KCNIP1: variants seen among roughly 807,000 people sequenced by gnomAD.
The protein encoded by KCNIP1 is potassium voltage-gated channel interacting protein 1.
A neutral mutation model predicts 33.0 loss-of-function variants in KCNIP1; 18 were observed. The observed-to-expected ratio is 0.55, with a 90% confidence interval of 0.38 to 0.81. The LOEUF (loss-of-function observed/expected upper bound fraction) is 0.81. KCNIP1 is among the 30% of genes least tolerant of loss of function. KCNIP1 has a pLI of 0.00. For synonymous variants in KCNIP1, 93 were observed against 98.3 expected (o/e 0.95, Z 0.32); for missense variants, 238 against 271.6 (o/e 0.88, Z 0.87).
chr5:170,688,061 A>G (rs1322847072), intron 1 of KCNIP1, among the ~76,000 whole-genome samples: 1 of 152,248 alleles, frequency 6.6e-6, no homozygotes, highest in Non-Finnish European at 1.5e-5. Context: ...TGTGCCAAGC[A>G]AAGTTCTTTA....
intron 1 of KCNIP1, among the ~76,000 whole-genome samples, chr5:170,520,092 G>T (rs1755305281): frequency 6.6e-6 from 1 of 152,190 alleles, no homozygotes; most frequent in Non-Finnish European, 1.5e-5. Context: ...CTTAAAGGGT[G>T]TTTGGTGTGT....
At chr5:170,388,905 A>G (rs1482205471) in intron 1 of KCNIP1, among the ~76,000 whole-genome samples, 1 of 152,210 alleles carries the variant, frequency 6.6e-6, no homozygotes, top group African/African-American at 2.4e-5. Flanking sequence ...GGAAACCCTG[A>G]AAGTTTGGAG....
chr5:170,503,237 A>C (rs1372688152), upstream of KCNIP1, among the ~76,000 whole-genome samples: 1 of 151,904 alleles, frequency 6.6e-6, no homozygotes, highest in East Asian at 1.9e-4. Context: ...TAAAAAATAC[A>C]AAAAAATTTA....
At chr5:170,503,859 A>T (rs540422359), upstream of KCNIP1, among the ~76,000 whole-genome samples, 3 of 151,982 alleles carry the variant, frequency 2.0e-5, no homozygotes, top group African/African-American at 4.8e-5. Flanking sequence ...TTAGGGTTAC[A>T]TGCTCCCGGG....
intron 1 of KCNIP1, among the ~76,000 whole-genome samples, chr5:170,402,323 A>G (rs1263058948): frequency 1.3e-5 from 2 of 152,182 alleles, no homozygotes; most frequent in African/African-American, 4.8e-5. Context: ...TATTCAATCT[A>G]TATAACAACT....
intron 1 of KCNIP1, among the ~76,000 whole-genome samples, chr5:170,446,768 C>A (rs560464777): frequency 1.4e-3 from 206 of 152,224 alleles, no homozygotes; most frequent in Non-Finnish European, 2.4e-3. Flanking sequence ...CTATCTTCTC[C>A]CCAGTTCTAG....
intron 1 of KCNIP1, among the ~76,000 whole-genome samples, chr5:170,618,822 G>T (rs1164393823): frequency 6.6e-6 from 1 of 152,158 alleles, no homozygotes; most frequent in African/African-American, 2.4e-5. Context: ...TAAAGACAGG[G>T]TTTCTGTCCT....
At chr5:170,466,703 A>G (rs1561638846) in intron 1 of KCNIP1, among the ~76,000 whole-genome samples, 1 of 152,128 alleles carries the variant, frequency 6.6e-6, no homozygotes, top group Admixed American at 6.5e-5. Flanking sequence ...CCTTCTGGCT[A>G]TGTTCTCACA....
chr5:170,438,508 C>T (rs543305925), intron 1 of KCNIP1, among the ~76,000 whole-genome samples: 125 of 152,288 alleles, frequency 8.2e-4, no homozygotes, highest in African/African-American at 2.7e-3. Context: ...AAATTGCCCA[C>T]GGACCTGCCC....
intron 1 of KCNIP1, among the ~76,000 whole-genome samples, chr5:170,655,665 A>T (rs1421596349): frequency 6.6e-6 from 1 of 152,166 alleles, no homozygotes; most frequent in Non-Finnish European, 1.5e-5. Context: ...GTCAGAGTAG[A>T]GGAGAAATGA....
chr5:170,371,865 T>C (rs911136606), intron 1 of KCNIP1, among the ~76,000 whole-genome samples: 4 of 152,180 alleles, frequency 2.6e-5, no homozygotes, highest in African/African-American at 7.2e-5. Context: ...GTAGAAAGAG[T>C]GTGACTGTGT....
chr5:170,712,827 G>A (rs761338917), intron 1 of KCNIP1: 133 of 1,612,018 alleles, frequency 8.3e-5, no homozygotes, highest in Non-Finnish European at 1.1e-4. Flanking sequence ...AATCGATTTG[G>A]TAAAATGTTT....
At chr5:170,505,715 G>C (rs1418707772) in intron 1 of KCNIP1, among the ~76,000 whole-genome samples, 3 of 152,152 alleles carry the variant, frequency 2.0e-5, no homozygotes, top group Non-Finnish European at 1.5e-5. Flanking sequence ...ATCTCCATAA[G>C]TAAGCTGTCC....
intron 1 of KCNIP1, among the ~76,000 whole-genome samples, chr5:170,578,435 G>A (rs1757677045): frequency 6.6e-6 from 1 of 152,292 alleles, no homozygotes; most frequent in East Asian, 1.9e-4. Flanking sequence ...TTCTCACTGG[G>A]CTGACTGACC....
At chr5:170,574,376 A>G (rs1468092256) in intron 1 of KCNIP1, among the ~76,000 whole-genome samples, 2 of 152,260 alleles carry the variant, frequency 1.3e-5, no homozygotes, top group African/African-American at 4.8e-5. Context: ...TTTAAGAAAG[A>G]TTAAGCAAAA....
intron 1 of KCNIP1, among the ~76,000 whole-genome samples, chr5:170,471,745 T>C (rs1756733191): frequency 6.6e-6 from 1 of 152,098 alleles, no homozygotes; most frequent in Admixed American, 6.5e-5. Flanking sequence ...GGGGCCTCTC[T>C]CTCTGTCCCT....
At chr5:170,574,217 A>G (rs1757518421) in intron 1 of KCNIP1, among the ~76,000 whole-genome samples, 1 of 152,254 alleles carries the variant, frequency 6.6e-6, no homozygotes, top group South Asian at 2.1e-4. Context: ...AGACATATAA[A>G]GAAACCAATT....
chr5:170,690,199 A>C (rs991518583), intron 1 of KCNIP1, among the ~76,000 whole-genome samples: 1 of 152,024 alleles, frequency 6.6e-6, no homozygotes, highest in African/African-American at 2.4e-5. Context: ...GCTTCCTCAC[A>C]CCTTGGAATG....
rs191999237 is a variant in KCNIP1, at chr5:170,700,524, G to T, written c.62-18234G>T. Among the ~76,000 whole-genome samples the T allele has an allele frequency of 1.3e-3, 199 of 152,260 alleles. 1 individual carries two copies. The highest frequency in any genetic ancestry group is 3.1e-3 in the Admixed American group (48 of 15,298). On this transcript the variant is annotated intron_variant, in intron 1 of 7. Transcript: ENST00000328939. Reference sequence around the variant, plus strand: ...GTTGGGGCTGTGGTAAGCCGTGATTGCCCCATTGCACTCCATTCTAGGCAA... The same window carrying T: ...GTTGGGGCTGTGGTAAGCCGTGATTTCCCCATTGCACTCCATTCTAGGCAA...
Sources: allele counts gnomAD v4.1 joint callset (sites outside exome capture counted in the v4.1 genomes callset), GRCh38; gene constraint gnomAD v4.1.1; transcripts MANE v1.5; gene names NCBI Gene and HGNC (gene_info 2026-07-23, HGNC 2026-07-21).